The following NIN variants were observed in gnomAD, a reference collection of about 807,000 sequenced individuals.
NIN encodes the protein glycogen synthase kinase 3 beta-interacting protein.
A neutral mutation model predicts 257.6 loss-of-function variants in NIN; 137 were observed. That is an observed-to-expected ratio of 0.53 (90% CI 0.46 to 0.61). The LOEUF is 0.61. Among genes scored for constraint, NIN ranks in the 20% least tolerant of loss-of-function variants. The pLI is 0.00. For missense variants in NIN, 2,439 were observed against 2,501.2 expected (o/e 0.98, Z 0.53); for synonymous variants, 918 against 919.8 (o/e 1.00, Z 0.04).
chr14:50,817,951 G>A (rs530412228), intron 3 of NIN, among the ~76,000 whole-genome samples: 87 of 151,888 alleles, frequency 5.7e-4, no homozygotes, highest in African/African-American at 1.9e-3. Context: ...CCTGAGCTCC[G>A]GCAATCCACC....
Position 50,722,700 on chromosome 14 carries a change from T to A in NIN, c.*763A>T. On this transcript the variant is annotated 3_prime_UTR_variant, in exon 31 of 31. Coordinates refer to ENST00000530997, the MANE Select transcript of NIN (RefSeq NM_020921.4). ...GGTTTGTTCAGTGCTTTCCCTATAG[T>A]TCAACTGCTTTAATTATGTGGCTTT... The A allele has an allele frequency of 9.2e-6, 2 of 216,816 alleles. No homozygotes were observed. The highest frequency in any genetic ancestry group is 1.9e-5 in the Non-Finnish European group (2 of 107,342). The allele number at this position is 216,816 out of a possible 1,614,324, so 13.4% of individuals were successfully genotyped here.
intron 16 of NIN, among the ~76,000 whole-genome samples, chr14:50,761,231 A>G (rs1360114328): frequency 6.6e-6 from 1 of 152,246 alleles, no homozygotes; most frequent in African/African-American, 2.4e-5. Flanking sequence ...TTCATGCAAG[A>G]GGCAGCATTA....
intron 15 of NIN, among the ~76,000 whole-genome samples, chr14:50,762,130 A>T (rs2042296942): frequency 6.6e-6 from 1 of 152,244 alleles, no homozygotes; most frequent in Non-Finnish European, 1.5e-5. Context: ...TCTTTCATGT[A>T]CAGGCAGTGG....
chr14:50,746,439 T>C (rs1386966503), intron 22 of NIN, among the ~76,000 whole-genome samples: 1 of 152,198 alleles, frequency 6.6e-6, no homozygotes, highest in African/African-American at 2.4e-5. Flanking sequence ...ACCAGTACTA[T>C]ACTAGGCATT....
At chr14:50,729,465 T>C in intron 29 of NIN, 58 bp downstream of exon 29, 1 of 1,516,466 alleles carries the variant, frequency 6.6e-7, no homozygotes, top group Non-Finnish European at 9.0e-7. Context: ...CTGGTATAAC[T>C]TTCAAATAAA....
chr14:50,788,311 G>C (rs963395123), intron 5 of NIN, among the ~76,000 whole-genome samples: 1 of 152,196 alleles, frequency 6.6e-6, no homozygotes, highest in African/African-American at 2.4e-5. Flanking sequence ...TGAGCTCCAA[G>C]TCGCTTGTAA....
rs557593809 is a variant in NIN at position 50,758,900 on chromosome 14, C to T, written c.2400-270G>A. ...GAAACTAATTTCTCTGGCACACTCC[C>T]GGATGTATTTGTTTATGGATTTTTA... On this transcript the variant is annotated intron_variant, in intron 17 of 30. Transcript: ENST00000530997. 1.2e-4 allele frequency among the ~76,000 whole-genome samples: 18 copies of T among 152,290 alleles called. No homozygotes were observed. The South Asian group carries it at 2.1e-3, about 18-fold the overall frequency.
chr14:50,746,526 A>T (rs2041549163), intron 22 of NIN, among the ~76,000 whole-genome samples: 1 of 152,258 alleles, frequency 6.6e-6, no homozygotes, highest in African/African-American at 2.4e-5. Context: ...TCAGATCAAC[A>T]TAAACATAAT....
At chr14:50,764,590 GAATT>G (rs2042400963) in intron 14 of NIN, among the ~76,000 whole-genome samples, 4 of 152,048 alleles carry the variant, frequency 2.6e-5, no homozygotes, top group Admixed American at 1.3e-4. Flanking sequence ...CTTAACCGGT[GAATT>G]AATAAACAAA....
intron 4 of NIN, among the ~76,000 whole-genome samples, chr14:50,797,538 C>G (rs1445769432): frequency 6.6e-6 from 1 of 152,114 alleles, no homozygotes; most frequent in Non-Finnish European, 1.5e-5. Flanking sequence ...GGCCAGCATC[C>G]CCAAGAAGCT....
chr14:50,758,180 C>T lies in NIN; in HGVS notation c.2850G>A (p.Glu950=). ...CTGCCTGGCACAGGACCTCCTCACG[C>T]TCCCTCAGTTCCCTTTTGTGACTGC... is the stretch of plus-strand genomic sequence containing the variant. ...LKSSHKRELR[E]REEVLCQAGA... Residue 950 remains glutamate, a synonymous_variant, in exon 18 of 31, where the codon GAG becomes GAA. Coordinates refer to ENST00000530997, the MANE Select transcript of NIN (RefSeq NM_020921.4). The T allele has an allele frequency of 6.2e-7, 1 of 1,614,246 alleles. No individual in the cohort carries two copies. The highest frequency in any genetic ancestry group is 8.5e-7 in the Non-Finnish European group (1 of 1,180,036).
chr14:50,787,855 A>G (rs1459599295), intron 5 of NIN, among the ~76,000 whole-genome samples: 1 of 152,202 alleles, frequency 6.6e-6, no homozygotes, highest in Non-Finnish European at 1.5e-5. Flanking sequence ...GCCTTTCCCT[A>G]CAGAGTAGCT....
intron 22 of NIN, 49 bp downstream of exon 22, chr14:50,747,943 C>T (rs759892162): frequency 3.2e-6 from 4 of 1,232,606 alleles, no homozygotes; most frequent in Non-Finnish European, 2.4e-6. Flanking sequence ...CAGGAGCCCA[C>T]CAGGTACATA....
At chr14:50,764,377 T>C (rs1002757234) in intron 14 of NIN, among the ~76,000 whole-genome samples, 3 of 152,152 alleles carry the variant, frequency 2.0e-5, no homozygotes, top group African/African-American at 7.2e-5. Context: ...GGTGAAGAAG[T>C]GGAGCAATTG....
intron 29 of NIN, among the ~76,000 whole-genome samples, chr14:50,728,893 A>G (rs2040546554): frequency 6.6e-6 from 1 of 152,256 alleles, no homozygotes; most frequent in African/African-American, 2.4e-5. Flanking sequence ...TCAACTAGAA[A>G]GATGTCACTG....
chr14:50,726,049 C>T lies in NIN; in HGVS notation c.6096G>A (p.Leu2032=), dbSNP rs888594594. 1.2e-6 allele frequency: 2 copies of T among 1,612,954 alleles called. No homozygotes were observed. Among genetic ancestry groups the T allele is most frequent in the South Asian group, 1.1e-5 (1 of 90,992 alleles). Reference sequence around the variant, plus strand: ...TCATTCGTTCCTCCATGACAGTTACCAGTTGTTCCTGGTTTCCCTGAAGGG... The same window carrying T: ...TCATTCGTTCCTCCATGACAGTTACTAGTTGTTCCTGGTTTCCCTGAAGGG... ...TNTPQGNQEQ[L]VTVMEERMIE... is the part of the protein sequence containing the mutation. The change falls in exon 30 of 31, where the codon CTG becomes CTA. Residue 2032 remains leucine (L), a synonymous_variant. Transcript: ENST00000530997.
intron 2 of NIN, among the ~76,000 whole-genome samples, chr14:50,824,444 G>A (rs944282244): frequency 6.6e-6 from 1 of 152,152 alleles, no homozygotes; most frequent in Admixed American, 6.5e-5. Context: ...CACCACCCCT[G>A]TGGAACAAAT....
At chr14:50,725,529 C>T (rs2040375603) in intron 30 of NIN, among the ~76,000 whole-genome samples, 1 of 151,944 alleles carries the variant, frequency 6.6e-6, no homozygotes, top group Admixed American at 6.6e-5. Flanking sequence ...TTATTATCCC[C>T]CTATTTTTTT....
At chr14:50,796,883 C>G (rs2043863447) in intron 4 of NIN, among the ~76,000 whole-genome samples, 1 of 152,214 alleles carries the variant, frequency 6.6e-6, no homozygotes, top group Admixed American at 6.5e-5. Context: ...ACATCTGCAT[C>G]AGATGTGATA....
Sources: allele counts gnomAD v4.1 joint callset (sites outside exome capture counted in the v4.1 genomes callset), GRCh38; gene constraint gnomAD v4.1.1; transcripts MANE v1.5; gene names NCBI Gene and HGNC (gene_info 2026-07-23, HGNC 2026-07-21).